The following COL25A1 variants were observed in gnomAD, a reference collection of about 807,000 sequenced individuals.
COL25A1 encodes the protein collagen alpha-1(XXV) chain.
A neutral mutation model predicts 128.4 loss-of-function variants in COL25A1; 103 were observed. That is an observed-to-expected ratio of 0.80 (90% CI 0.68 to 0.94). The LOEUF (loss-of-function observed/expected upper bound fraction) is 0.94. Among genes scored for constraint, COL25A1 ranks in the 40% least tolerant of loss-of-function variants. The pLI is 0.00. For missense variants in COL25A1, 745 were observed against 840.0 expected (o/e 0.89, Z 1.40); for synonymous variants, 279 against 277.2 (o/e 1.01, Z -0.06).
chr4:108,879,824 T>C (rs1159328546), intron 19 of COL25A1, among the ~76,000 whole-genome samples: 1 of 150,228 alleles, frequency 6.7e-6, no homozygotes, highest in Non-Finnish European at 1.5e-5. Context: ...TATTTATTTT[T>C]TTGAGATGGA....
At chr4:108,924,839 G>C (rs865865236) in intron 11 of COL25A1, among the ~76,000 whole-genome samples, 1 of 152,102 alleles carries the variant, frequency 6.6e-6, no homozygotes, top group Admixed American at 6.5e-5. Context: ...CTACACCTCT[G>C]TCTGTTCCTA....
At chr4:109,273,881 A>G (rs1391634647) in intron 3 of COL25A1, among the ~76,000 whole-genome samples, 5 of 152,216 alleles carry the variant, frequency 3.3e-5, no homozygotes, top group Admixed American at 6.5e-5. Flanking sequence ...TATGAGATCA[A>G]TTATAAACTG....
chr4:109,174,225 G>A (rs1773855434), intron 3 of COL25A1, among the ~76,000 whole-genome samples: 2 of 152,112 alleles, frequency 1.3e-5, no homozygotes, highest in Non-Finnish European at 1.5e-5. Context: ...AATACAAGTA[G>A]CAACCGTGGT....
intron 6 of COL25A1, among the ~76,000 whole-genome samples, chr4:109,002,210 G>T (rs1259977906): frequency 6.6e-6 from 1 of 152,184 alleles, no homozygotes; most frequent in African/African-American, 2.4e-5. Flanking sequence ...CCACAGCTGG[G>T]TATATATCTG....
Position 109,102,674 on chromosome 4 carries a change from G to A in COL25A1, c.368-52495C>T, listed in dbSNP as rs1273906397. Among the ~76,000 whole-genome samples, 7 of 152,138 alleles carry A rather than the reference G, an allele frequency of 4.6e-5. No homozygotes were observed. In the South Asian group the frequency reaches 1.4e-3, roughly 32 times the overall value. On this transcript the variant is annotated intron_variant, in intron 3 of 37. Coordinates refer to ENST00000399132, the MANE Select transcript of COL25A1 (RefSeq NM_198721.4). ...TAATGTTTGCTTCATATACTTACAA[G>A]CTCTGTTATTAGTTACATATACATT...
chr4:109,243,935 C>T (rs773580217), intron 3 of COL25A1, among the ~76,000 whole-genome samples: 5 of 151,936 alleles, frequency 3.3e-5, no homozygotes, highest in Non-Finnish European at 5.9e-5. Flanking sequence ...AATTACTTGT[C>T]TCAGAAAGTA....
intron 3 of COL25A1, among the ~76,000 whole-genome samples, chr4:109,174,037 T>C (rs1374549498): frequency 1.3e-5 from 2 of 152,184 alleles, no homozygotes; most frequent in African/African-American, 4.8e-5. Flanking sequence ...TATTTTTTAA[T>C]TGTATGAGTA....
chr4:108,834,859 G>A (rs1234751398), intron 31 of COL25A1, among the ~76,000 whole-genome samples: 1 of 152,156 alleles, frequency 6.6e-6, no homozygotes, highest in Admixed American at 6.5e-5. Context: ...GGTTATACTT[G>A]TTAAAACAGT....
At chr4:108,884,364 G>T in intron 18 of COL25A1, 142 bp from the exon 19 acceptor site, 1 of 714,288 alleles carries the variant, frequency 1.4e-6, no homozygotes, top group Non-Finnish European at 2.3e-6. Flanking sequence ...ACTTTGATGA[G>T]ATTATGCAAT....
chr4:109,179,663 C>T (rs1292346176), intron 3 of COL25A1, among the ~76,000 whole-genome samples: 2 of 152,258 alleles, frequency 1.3e-5, no homozygotes, highest in African/African-American at 4.8e-5. Context: ...TTTTTCAGAT[C>T]TTCCACAAAA....
At position 109,300,184 on chromosome 4, in the gene COL25A1, A is replaced by AC. The variant is rs201346239; in HGVS notation, c.367+398_367+399insG. ...TGCCAAAGGGAATAAACCAAAACAA[A>AC]AAAAAAAAAAAACTCTGCACTAACA... On this transcript the variant is annotated intron_variant, in intron 3 of 37. Coordinates refer to ENST00000399132, the MANE Select transcript of COL25A1 (RefSeq NM_198721.4). Among the ~76,000 whole-genome samples, 992 of 150,212 alleles carry AC rather than the reference A, an allele frequency of 6.6e-3. 7 individuals are homozygous for AC. Among genetic ancestry groups the AC allele is most frequent in the South Asian group, 9.2e-3 (44 of 4,784 alleles).
At chr4:108,958,463 T>C (rs896164393) in intron 8 of COL25A1, among the ~76,000 whole-genome samples, 24 of 152,060 alleles carry the variant, frequency 1.6e-4, no homozygotes, top group Admixed American at 6.6e-5. Flanking sequence ...TAAATATCTA[T>C]GAACTTTGGC....
chr4:108,840,250 A>AC (rs1455236810), intron 31 of COL25A1, among the ~76,000 whole-genome samples: 1 of 151,490 alleles, frequency 6.6e-6, no homozygotes. Flanking sequence ...CTCAAAAAAA[A>AC]AAAAAAAAAA....
intron 4 of COL25A1, 111 bp downstream of exon 4, chr4:109,050,024 A>AAC: frequency 3.9e-6 from 3 of 765,780 alleles, no homozygotes; most frequent in Non-Finnish European, 6.3e-6. Flanking sequence ...GAAAGATTTA[A>AAC]ACACACACAT....
chr4:108,999,853 A>G (rs1288086098), intron 6 of COL25A1, among the ~76,000 whole-genome samples: 1 of 152,194 alleles, frequency 6.6e-6, no homozygotes, highest in Non-Finnish European at 1.5e-5. Context: ...ATTCTCAGCA[A>G]ACTATCACAA....
intron 16 of COL25A1, among the ~76,000 whole-genome samples, chr4:108,896,348 A>G (rs1188638641): frequency 6.6e-6 from 1 of 152,104 alleles, no homozygotes; most frequent in Non-Finnish European, 1.5e-5. Flanking sequence ...ACCTGCGCAT[A>G]AAGGGAGCGT....
rs1560850954 is a variant in COL25A1 at position 109,197,471 on chromosome 4, AATATATATTATATAT to A, written c.367+103097_367+103111del. Among the ~76,000 whole-genome samples the A allele has an allele frequency of 3.9e-4, 47 of 119,752 alleles. 1 individual carries two copies. Among genetic ancestry groups the A allele is most frequent in the Middle Eastern group, 3.4e-3 (1 of 290 alleles). The allele number at this position is 119,752 out of a possible 152,430, so 78.6% of individuals were successfully genotyped here. On this transcript the variant is annotated intron_variant, in intron 3 of 37. Transcript: ENST00000399132. Reference sequence around the variant, plus strand: ...TATATTATATATAAATATTATATATAATATATATTATATATTATATATAAATATATATTATATAAT... The same window carrying A: ...TATATTATATATAAATATTATATATATATATATAAATATATATTATATAAT...
intron 11 of COL25A1, among the ~76,000 whole-genome samples, chr4:108,921,386 G>A (rs909149838): frequency 1.3e-4 from 15 of 111,578 alleles, no homozygotes; most frequent in African/African-American, 4.0e-4. Context: ...ATAACTCAAA[G>A]AGATATAGCT....
At chr4:109,009,933 T>C (rs1756418915) in intron 6 of COL25A1, among the ~76,000 whole-genome samples, 1 of 152,256 alleles carries the variant, frequency 6.6e-6, no homozygotes, top group South Asian at 2.1e-4. Flanking sequence ...AAAAATTCAA[T>C]ATCTGTCTAT....
Sources: allele counts gnomAD v4.1 joint callset (sites outside exome capture counted in the v4.1 genomes callset), GRCh38; gene constraint gnomAD v4.1.1; transcripts MANE v1.5; gene names NCBI Gene and HGNC (gene_info 2026-07-23, HGNC 2026-07-21).